The following PRDM16 variants were observed in gnomAD, a reference collection of about 807,000 sequenced individuals.
The protein encoded by PRDM16 is histone-lysine N-methyltransferase PRDM16.
Under a neutral mutation model 110.6 loss-of-function variants are expected in PRDM16, and 23 were observed. The observed-to-expected ratio is 0.21, with a 90% confidence interval of 0.15 to 0.29. The LOEUF is 0.29. PRDM16 is among the 10% of genes least tolerant of loss of function. PRDM16 has a pLI of 1.00. For synonymous variants in PRDM16, 799 were observed against 781.8 expected, an observed-to-expected ratio of 1.02 and a Z score of -0.37; for missense variants, 1,615 against 1,794.3, an observed-to-expected ratio of 0.90 and a Z score of 1.81.
rs1416513924 is a variant in PRDM16 at position 3,265,900 on chromosome 1, T to G, written c.438+21763T>G. 6.6e-6 allele frequency among the ~76,000 whole-genome samples: 1 copy of G among 151,260 alleles called. No homozygotes were observed. Among genetic ancestry groups the G allele is most frequent in the Non-Finnish European group, 1.5e-5 (1 of 67,862 alleles). On this transcript the variant is annotated intron_variant, in intron 3 of 16. Coordinates refer to ENST00000270722, the MANE Select transcript of PRDM16 (RefSeq NM_022114.4). This position sits in a 1 kb window ranked among gnomAD's most constrained non-coding sequence, Gnocchi z 4.5. The stretch of plus-strand genomic sequence containing the variant: ...TGCAGTGCTCCCCAGGGCTCCGCAC[T>G]GCTCCCCAGGGTTCCTTGGTGCGTG...
rs540938178 is a variant in PRDM16, at chr1:3,430,780, A to G, written c.3285-92A>G. On this transcript the variant is annotated intron_variant, in intron 14 of 16. Transcript: ENST00000270722. ...GGGGCTGAGTGTTGTCGGGGGAGGC[A>G]GTGGGGGCAGAGCGGAGTCACCAGC... The G allele has an allele frequency of 2.7e-5, 39 of 1,433,082 alleles. 1 individual carries two copies. The Admixed American group carries it at 2.7e-4, about 10-fold the overall frequency. 88.8% of individuals were successfully genotyped at this position (1,433,082 alleles called of 1,614,324 possible).
intron 2 of PRDM16, among the ~76,000 whole-genome samples, chr1:3,210,225 C>CACAGG (rs1638849197): frequency 6.6e-6 from 1 of 152,204 alleles, no homozygotes; most frequent in African/African-American, 2.4e-5. Context: ...CAGGTGGGCT[C>CACAGG]TGGTCTGGCT....
rs370445519 is a variant in PRDM16, at chr1:3,431,031, G to A, written c.3444G>A (p.Glu1148=). ...ATGACACCGTGTCCCCCGCACCCGA[G>A]CCCCAGGCCGCCTACGAGGATGAGG... is the stretch of plus-strand genomic sequence containing the variant. ...SQDDTVSPAP[E]PQAAYEDEED... is the part of the protein sequence containing the mutation. The change falls in exon 15 of 17, where the codon GAG becomes GAA. Residue 1148 remains glutamate (E), a synonymous_variant. Coordinates refer to ENST00000270722, the MANE Select transcript of PRDM16 (RefSeq NM_022114.4). 9.6e-6 allele frequency: 15 copies of A among 1,566,568 alleles called. No homozygotes were observed. Among genetic ancestry groups the A allele is most frequent in the Non-Finnish European group, 1.3e-5 (15 of 1,155,680 alleles).
chr1:3,307,493 TAAAC>T (rs1641341510), intron 3 of PRDM16: 1 of 152,182 alleles, frequency 6.6e-6, no homozygotes, highest in African/African-American at 2.4e-5. Context: ...AATTCAAAAT[TAAAC>T]AACCAAAGAA....
At chr1:3,084,870 G>A (rs759699308) in intron 1 of PRDM16, among the ~76,000 whole-genome samples, 2 of 152,194 alleles carry the variant, frequency 1.3e-5, no homozygotes, top group African/African-American at 4.8e-5. Flanking sequence ...AGTAGCTCTC[G>A]GGTGCACACC....
In PRDM16 at chr1:3,351,478, G is replaced by C. The variant is rs551672142; in HGVS notation, c.439-33674G>C. Among the ~76,000 whole-genome samples the C allele has an allele frequency of 5.5e-4, 65 of 117,234 alleles. 1 individual carries two copies. The highest frequency in any genetic ancestry group is 2.1e-3 in the African/African-American group (61 of 29,422). 76.9% of individuals were successfully genotyped at this position (117,234 alleles called of 152,430 possible). ...TCTTCTCCTTCCCATCCCTGGTCCTGGAGCAGGTGCCTGGGCCCTCAGCTC... is the reference window on the plus strand; with the variant it reads ...TCTTCTCCTTCCCATCCCTGGTCCTCGAGCAGGTGCCTGGGCCCTCAGCTC... On this transcript the variant is annotated intron_variant, in intron 3 of 16. Transcript: ENST00000270722.
At position 3,240,038 on chromosome 1, in the gene PRDM16, AAGAGGAGAGGAGAGGAGAAGAGG is replaced by A. The variant is rs1339036167; in HGVS notation, c.388-4030_388-4008del. ...GGAGAGAGAGAGAAGAGGAGAGGAG[AAGAGGAGAGGAGAGGAGAAGAGG>A]AGAGGAGAGGAGAGGAGAGGAGAGG... On this transcript the variant is annotated intron_variant, in intron 2 of 16. Coordinates refer to ENST00000270722, the MANE Select transcript of PRDM16 (RefSeq NM_022114.4). 1.1e-4 allele frequency among the ~76,000 whole-genome samples: 12 copies of A among 105,336 alleles called. No individual in the cohort carries two copies. In the South Asian group the frequency reaches 1.3e-3, roughly 11 times the overall value. The allele number at this position is 105,336 out of a possible 152,430, so 69.1% of individuals were successfully genotyped here.
At chr1:3,287,568 G>T (rs78220952) in intron 3 of PRDM16, among the ~76,000 whole-genome samples, 1 of 33,740 alleles carries the variant, frequency 3.0e-5, no homozygotes, top group African/African-American at 2.4e-4. Flanking sequence ...TGCCACGCGG[G>T]CATCCAGGAT....
At chr1:3,400,998 T>C (rs1643459076) in intron 5 of PRDM16, among the ~76,000 whole-genome samples, 1 of 152,128 alleles carries the variant, frequency 6.6e-6, no homozygotes, top group Admixed American at 6.6e-5. Context: ...TGCCATCCAG[T>C]ATGCCTGCTG....
chr1:3,150,162 G>T (rs185534039), intron 1 of PRDM16, among the ~76,000 whole-genome samples: 1 of 152,244 alleles, frequency 6.6e-6, no homozygotes, highest in African/African-American at 2.4e-5. Context: ...CACTGCGTAG[G>T]GGGATGGCTT....
In PRDM16 at chr1:3,290,267, G is replaced by A. The variant is rs1014315455; in HGVS notation, c.438+46130G>A. 1.3e-5 allele frequency among the ~76,000 whole-genome samples: 2 copies of A among 152,188 alleles called. No homozygotes were observed. The highest frequency in any genetic ancestry group is 4.8e-5 in the African/African-American group (2 of 41,450). ...CATGGGAAGGAAGGAGCGACGGGGTGGGAGGGATCTGCCTGCCAGCCCACA... is the reference window on the plus strand; with the variant it reads ...CATGGGAAGGAAGGAGCGACGGGGTAGGAGGGATCTGCCTGCCAGCCCACA... On this transcript the variant is annotated intron_variant, in intron 3 of 16. Transcript: ENST00000270722. The surrounding 1 kb of genome is among the most constrained non-coding windows in gnomAD (Gnocchi z 4.8).
At chr1:3,305,772 A>T (rs1302019331) in intron 3 of PRDM16, among the ~76,000 whole-genome samples, 2 of 152,240 alleles carry the variant, frequency 1.3e-5, no homozygotes, top group East Asian at 3.9e-4. Flanking sequence ...TCATCTCCAC[A>T]GACTGCTGGC....
intron 1 of PRDM16, among the ~76,000 whole-genome samples, chr1:3,097,594 G>A (rs1225531453): frequency 6.6e-6 from 1 of 152,204 alleles, no homozygotes; most frequent in Non-Finnish European, 1.5e-5. Context: ...TCAGCCTCCA[G>A]TGACCCCTCC....
chr1:3,214,861 C>A (rs1638983391), intron 2 of PRDM16, among the ~76,000 whole-genome samples: 1 of 152,116 alleles, frequency 6.6e-6, no homozygotes, highest in Non-Finnish European at 1.5e-5. Flanking sequence ...AGCTGTGGCC[C>A]CAGGATGCTT....
At chr1:3,189,118 C>G (rs542401743) in intron 2 of PRDM16, among the ~76,000 whole-genome samples, 48 of 152,366 alleles carry the variant, frequency 3.2e-4, no homozygotes, top group African/African-American at 7.9e-4. Context: ...ACTGCCTGGC[C>G]TGTCTTCCAA....
rs557652132 is a variant in PRDM16 at position 3,180,913 on chromosome 1, C to T, written c.38-5212C>T. On this transcript the variant is annotated intron_variant, in intron 1 of 16. Coordinates refer to ENST00000270722, the MANE Select transcript of PRDM16 (RefSeq NM_022114.4). ...ACGGCCTCACACACGCAGTCTTACA[C>T]GCAGCCTTACACACGCAGCCACACA... is the stretch of plus-strand genomic sequence containing the variant. Among the ~76,000 whole-genome samples the T allele has an allele frequency of 3.8e-3, 579 of 150,816 alleles. 4 individuals carry two copies. Among genetic ancestry groups the T allele is most frequent in the African/African-American group, 0.01 (420 of 40,460 alleles).
chr1:3,255,368 T>G lies in PRDM16; in HGVS notation c.438+11231T>G, dbSNP rs1372879481. ...CCACAGTGGGGTCCTGAGGGTCGCG[T>G]GCAGCACACAGCCTCCCAGACGGCT... On this transcript the variant is annotated intron_variant, in intron 3 of 16. Transcript: ENST00000270722. The surrounding 1 kb of genome is among the most constrained non-coding windows in gnomAD (Gnocchi z 4.7). Among the ~76,000 whole-genome samples, 3 of 152,246 alleles carry G rather than the reference T, an allele frequency of 2.0e-5. No individual in the cohort carries two copies. The highest frequency in any genetic ancestry group is 3.9e-4 in the East Asian group (2 of 5,176).
intron 5 of PRDM16, 55 bp downstream of exon 5, chr1:3,396,648 G>T (rs111770686): frequency 1.2e-5 from 9 of 726,518 alleles, no homozygotes; most frequent in Non-Finnish European, 2.1e-5. Flanking sequence ...CAGCCAGCCC[G>T]GAAGAGGAGC....
intron 1 of PRDM16, among the ~76,000 whole-genome samples, chr1:3,165,114 A>G (rs1425284765): frequency 2.0e-5 from 3 of 152,222 alleles, no homozygotes; most frequent in Admixed American, 2.0e-4. Context: ...CCCTTCATGC[A>G]GGGACTCAGC....
Sources: gnomAD v4.1 joint callset for allele counts (sites outside exome capture counted in the v4.1 genomes callset) on GRCh38, gnomAD v4.1.1 for gene constraint, Gnocchi (gnomAD v3.1) non-coding constraint, MANE v1.5 for transcripts, NCBI Gene and HGNC (gene_info 2026-07-23, HGNC 2026-07-21) for gene names.